The following SMARCA4 variants were observed in gnomAD, a reference collection of about 807,000 sequenced individuals.
The protein encoded by SMARCA4 is SWI/SNF-related matrix-associated actin-dependent regulator of chromatin subfamily A member 4.
In SMARCA4, 31 loss-of-function variants were observed where a neutral mutation model predicts 193.9. The ratio of observed to expected loss-of-function variants is 0.16; its 90% CI spans 0.12 to 0.22. The LOEUF (loss-of-function observed/expected upper bound fraction) is 0.22. Ranked by LOEUF, SMARCA4 falls within the 10% of genes least tolerant of loss-of-function variation. The pLI, the probability that SMARCA4 is intolerant of heterozygous loss-of-function variation, is 1.00. For missense variants in SMARCA4, 1,148 were observed against 2,296.0 expected (o/e 0.50, Z 10.22); for synonymous variants, 942 against 933.1 (o/e 1.01, Z -0.17).
At chr19:10,979,805 A>G (rs957583947) in intron 1 of SMARCA4, among the ~76,000 whole-genome samples, 2 of 152,158 alleles carry the variant, frequency 1.3e-5, no homozygotes, top group East Asian at 3.8e-4. Flanking sequence ...AGCCACAGTG[A>G]TAGTCAAAAT....
chr19:10,978,073 A>G (rs1350574500), intron 1 of SMARCA4, among the ~76,000 whole-genome samples: 1 of 152,192 alleles, frequency 6.6e-6, no homozygotes, highest in Non-Finnish European at 1.5e-5. Flanking sequence ...GTTACCATCA[A>G]GTAGGCTGAG....
chr19:10,979,758 C>T (rs2085417905), intron 1 of SMARCA4, among the ~76,000 whole-genome samples: 2 of 151,806 alleles, frequency 1.3e-5, no homozygotes, highest in Admixed American at 6.6e-5. Flanking sequence ...CCACCACACC[C>T]GTCATTTTAT....
At chr19:11,012,725 C>A (rs891452605) in intron 15 of SMARCA4, 1 of 596,442 alleles carries the variant, frequency 1.7e-6, no homozygotes, top group Admixed American at 2.4e-5. Context: ...GTCCATCGTT[C>A]GCACAGTCAT....
intron 19 of SMARCA4, among the ~76,000 whole-genome samples, chr19:11,022,361 G>A (rs1263154748): frequency 2.0e-5 from 3 of 152,198 alleles, no homozygotes; most frequent in South Asian, 2.1e-4. Flanking sequence ...AAGGAAACTT[G>A]GAAGATTCCA....
At chr19:10,993,562 G>A (rs1000143228) in intron 8 of SMARCA4, among the ~76,000 whole-genome samples, 5 of 152,280 alleles carry the variant, frequency 3.3e-5, no homozygotes, top group African/African-American at 7.2e-5. Context: ...TTTCACATCC[G>A]TGCCATGCTG....
intron 9 of SMARCA4, chr19:10,995,570 C>T (rs562087190): frequency 1.6e-5 from 7 of 449,160 alleles, no homozygotes; most frequent in African/African-American, 8.0e-5. Context: ...AAACAGAGGC[C>T]CAAAGGGTGG....
At position 11,023,610 on chromosome 19, in the gene SMARCA4, C is replaced by T. The variant is rs371276213; in HGVS notation, c.2952C>T (p.Val984=). 4.8e-5 allele frequency: 78 copies of T among 1,610,614 alleles called. No homozygotes were observed. In the Middle Eastern group the frequency reaches 4.9e-4, roughly 10 times the overall value. The change falls in exon 20 of 35, where the codon GTC becomes GTT. Residue 984 remains valine (V), a synonymous_variant. Transcript: ENST00000344626. Reference sequence around the variant, plus strand: ...TGCTCCGACGACTCAAGAAGGAAGTCGAGGCCCAGTTGCCCGAAAAGGTGA... The same window carrying T: ...TGCTCCGACGACTCAAGAAGGAAGTTGAGGCCCAGTTGCCCGAAAAGGTGA... ...PFLLRRLKKE[V]EAQLPEKVEY...
rs149479444 is a variant in SMARCA4 at position 10,972,974 on chromosome 19, C to T, written c.-31-11147C>T. Among the ~76,000 whole-genome samples the T allele has an allele frequency of 8.4e-3, 1,280 of 152,154 alleles. 8 individuals are homozygous for T. Among genetic ancestry groups the T allele is most frequent in the Middle Eastern group, 0.014 (4 of 294 alleles). Reference sequence around the variant, plus strand: ...AAATACGAAAATTAGCTGGGCATGGCGGTGTGCGCCTGTAGTTCCAGCTAC... The same window carrying T: ...AAATACGAAAATTAGCTGGGCATGGTGGTGTGCGCCTGTAGTTCCAGCTAC... On this transcript the variant is annotated intron_variant, in intron 1 of 34. Transcript: ENST00000344626.
At chr19:11,026,770 A>G (rs1253102214) in intron 23 of SMARCA4, among the ~76,000 whole-genome samples, 1 of 152,160 alleles carries the variant, frequency 6.6e-6, no homozygotes, top group African/African-American at 2.4e-5. Context: ...AAGTGCTGGA[A>G]TTACAGGTGT....
At chr19:11,002,496 A>C (rs937657925) in intron 11 of SMARCA4, among the ~76,000 whole-genome samples, 3 of 148,814 alleles carry the variant, frequency 2.0e-5, no homozygotes, top group Admixed American at 1.3e-4. Context: ...TAAATAAATA[A>C]AAATAAAAAA....
chr19:11,035,171 C>A (rs1345938758), intron 29 of SMARCA4, 39 bp downstream of exon 29: 1 of 1,576,982 alleles, frequency 6.3e-7, no homozygotes, highest in Non-Finnish European at 8.6e-7. Flanking sequence ...CGCAGGCCAG[C>A]GCCAGGCAGG....
chr19:11,050,090 A>G (rs1327550394), intron 30 of SMARCA4, among the ~76,000 whole-genome samples: 1 of 152,184 alleles, frequency 6.6e-6, no homozygotes, highest in Non-Finnish European at 1.5e-5. Context: ...CAGTGAGACT[A>G]CGTCTCAAAA....
In SMARCA4 at chr19:11,007,893, T is replaced by C. The variant is rs1600167148; in HGVS notation, c.2002-9T>C. On this transcript the variant is annotated splice_polypyrimidine_tract_variant and intron_variant, in intron 13 of 34. Transcript: ENST00000344626. Reference sequence around the variant, plus strand: ...TGAACTGAGGTGACATGGGCTTGTCTCTTGGTAGGAGGAGGAGGAAGAGCA... The same window carrying C: ...TGAACTGAGGTGACATGGGCTTGTCCCTTGGTAGGAGGAGGAGGAAGAGCA... The C allele has an allele frequency of 6.2e-7, 1 of 1,613,348 alleles. No homozygotes were observed. The highest frequency in any genetic ancestry group is 8.5e-7 in the Non-Finnish European group (1 of 1,179,702).
In SMARCA4 at chr19:11,031,134, G is replaced by A. The variant is rs1263775596; in HGVS notation, c.3546+241G>A. 1.7e-5 allele frequency: 9 copies of A among 542,856 alleles called. No individual in the cohort carries two copies. The highest frequency in any genetic ancestry group is 7.6e-5 in the African/African-American group (4 of 52,742). 33.6% of individuals were successfully genotyped at this position (542,856 alleles called of 1,614,324 possible). A position where few individuals can be genotyped will look rare whatever the true frequency, so the allele number is the denominator to read the frequency against. ...TGGGAAAGCAGTGTATAAGCCATCC[G>A]TCGGTTTGGTTTTTCTTAAATCTTG... On this transcript the variant is annotated intron_variant, in intron 25 of 34. Transcript: ENST00000344626. This position sits in a 1 kb window ranked among gnomAD's most constrained non-coding sequence, Gnocchi z 4.3.
At chr19:11,015,348 A>G (rs1410132016) in intron 16 of SMARCA4, among the ~76,000 whole-genome samples, 2 of 152,210 alleles carry the variant, frequency 1.3e-5, no homozygotes, top group African/African-American at 2.4e-5. Flanking sequence ...TGCCTGTGGC[A>G]GTTCCTCATT....
rs568650875 is a variant in SMARCA4, at chr19:11,060,049, G to A, written c.4773G>A (p.Arg1591=). 1.9e-4 allele frequency: 302 copies of A among 1,562,900 alleles called. 2 individuals carry two copies. In the South Asian group the frequency reaches 3.3e-3, roughly 17 times the overall value. ...GEEEGSESES[R]SVKVKIKLGR... ...TTCCCTCCCGGTCCCCTCCAGCTCG[G>A]TCCGTCAAAGTGAAGATCAAGCTTG... is the stretch of plus-strand genomic sequence containing the variant. Residue 1591 remains arginine (R), a synonymous_variant, in exon 34 of 35, where the codon CGG becomes CGA. Coordinates refer to ENST00000344626, the MANE Select transcript of SMARCA4 (RefSeq NM_003072.5).
Position 10,986,099 on chromosome 19 carries a change from C to G in SMARCA4, c.356-90C>G. 8.7e-7 allele frequency: 1 copy of G among 1,142,986 alleles called. No homozygotes were observed. Among genetic ancestry groups the G allele is most frequent in the Non-Finnish European group, 1.3e-6 (1 of 759,906 alleles). 70.8% of individuals were successfully genotyped at this position (1,142,986 alleles called of 1,614,324 possible). A position where few individuals can be genotyped will look rare whatever the true frequency, so the allele number is the denominator to read the frequency against. On this transcript the variant is annotated intron_variant, in intron 3 of 34. Transcript: ENST00000344626. The surrounding 1 kb of genome is among the most constrained non-coding windows in gnomAD (Gnocchi z 6.7). ...AGGATGCCATTTGGCTGTGCCCTGT[C>G]TCAGAGTAGGAGCTGGTGTAGGGGG...
At position 10,986,764 on chromosome 19, in the gene SMARCA4, C is replaced by T. The variant is rs2086081351; in HGVS notation, c.761-141C>T. The stretch of plus-strand genomic sequence containing the variant: ...TGGTGGGGGCAGCTAAATGCTGCTT[C>T]CCCAGCTCCCCGCTTCCCCTGGGGC... On this transcript the variant is annotated intron_variant, in intron 4 of 34. Coordinates refer to ENST00000344626, the MANE Select transcript of SMARCA4 (RefSeq NM_003072.5). This position sits in a 1 kb window ranked among gnomAD's most constrained non-coding sequence, Gnocchi z 6.7. 2 of 1,203,940 alleles carry T rather than the reference C, an allele frequency of 1.7e-6. No individual in the cohort carries two copies. Among genetic ancestry groups the T allele is most frequent in the African/African-American group, 1.5e-5 (1 of 66,614 alleles). The allele number at this position is 1,203,940 out of a possible 1,614,324, so 74.6% of individuals were successfully genotyped here.
intron 9 of SMARCA4, 80 bp downstream of exon 9, chr19:10,995,081 T>A (rs2145946878): frequency 7.5e-7 from 1 of 1,334,360 alleles, no homozygotes; most frequent in Admixed American, 2.0e-5. Flanking sequence ...TCCCCAGGGT[T>A]ACGCCAAGGC....
Sources: gnomAD v4.1 joint callset for allele counts (sites outside exome capture counted in the v4.1 genomes callset) on GRCh38, gnomAD v4.1.1 for gene constraint, Gnocchi (gnomAD v3.1) non-coding constraint, MANE v1.5 for transcripts, NCBI Gene and HGNC (gene_info 2026-07-23, HGNC 2026-07-21) for gene names.